The following TCOF1 variants were observed in gnomAD, a reference collection of about 807,000 sequenced individuals.
TCOF1 encodes treacle ribosome biogenesis factor 1.
In TCOF1, 33 loss-of-function variants were observed where a neutral mutation model predicts 149.0. The observed-to-expected ratio is 0.22, with a 90% CI of 0.17 to 0.30. The LOEUF (loss-of-function observed/expected upper bound fraction) is 0.30. Among genes scored for constraint, TCOF1 ranks in the 10% least tolerant of loss-of-function variants. The probability of loss-of-function intolerance (pLI) is 1.00; values close to 1 mark genes in which losing one functional copy is unlikely to be tolerated. For synonymous variants in TCOF1, 789 were observed against 738.8 expected (o/e 1.07, Z -1.10); for missense variants, 1,728 against 1,840.7 (o/e 0.94, Z 1.12).
chr5:150,374,803 C>T lies in TCOF1; in HGVS notation c.1270C>T (p.Pro424Ser), dbSNP rs1299708358. 2.5e-6 allele frequency: 4 copies of T among 1,609,142 alleles called. No homozygotes were observed. The highest frequency in any genetic ancestry group is 3.4e-6 in the Non-Finnish European group (4 of 1,177,872). ...SEESDSEEEA[P>S]AQAKPSGKAP... is the part of the protein sequence containing the mutation. ...GGAATCGGACAGTGAGGAGGAGGCG[C>T]CTGCTCAGGTGAGGCAGAGGGGAGG... The change falls in exon 9 of 27, where the codon CCT becomes TCT. Residue 424 changes from proline (P) to serine (S), a missense_variant. Physicochemically the swap from Pro to Ser is moderately conservative, Grantham distance 74. Coordinates refer to ENST00000643257, the MANE Select transcript of TCOF1 (RefSeq NM_001371623.1).
rs911680574 is a variant in TCOF1, at chr5:150,375,430, G to A, written c.1580G>A (p.Gly527Glu). The stretch of plus-strand genomic sequence containing the variant: ...AAAGGCGCCGGCCCAGTGCCACCCG[G>A]GAAGGTGGGGCCTGCAACCCCCTCA... Reference protein sequence around the residue: ...LGKGAGPVPPGKVGPATPSAQ... With the variant: ...LGKGAGPVPPEKVGPATPSAQ... The change falls in exon 11 of 27, where the codon GGG becomes GAG. Residue 527 changes from glycine (G) to glutamate (E), a missense_variant. By Grantham distance (98) the Gly-to-Glu change is moderately conservative. Coordinates refer to ENST00000643257, the MANE Select transcript of TCOF1 (RefSeq NM_001371623.1). 3.1e-6 allele frequency: 5 copies of A among 1,613,638 alleles called. No homozygotes were observed. Among genetic ancestry groups the A allele is most frequent in the Non-Finnish European group, 8.5e-7 (1 of 1,179,812 alleles).
In TCOF1 at chr5:150,372,166, A is replaced by G. The variant is rs754679760; in HGVS notation, c.800A>G (p.Glu267Gly). 2 of 1,614,206 alleles carry G rather than the reference A, an allele frequency of 1.2e-6. No individual in the cohort carries two copies. The highest frequency in any genetic ancestry group is 3.3e-5 in the Admixed American group (2 of 60,030). The change falls in exon 7 of 27, where the codon GAA becomes GGA. Residue 267 changes from glutamate to glycine, a missense_variant. Transcript: ENST00000643257. ...CCAGCCAAGAGGGCCAAGAAGCCAGAAGAGGAGTCAGAGAGTAGTGAGGAG... is the reference window on the plus strand; with the variant it reads ...CCAGCCAAGAGGGCCAAGAAGCCAGGAGAGGAGTCAGAGAGTAGTGAGGAG... The part of the protein sequence containing the change: ...LPPAKRAKKP[E>G]EESESSEEGS...
intron 23 of TCOF1, 146 bp from the exon 24 acceptor site, chr5:150,396,136 C>A: frequency 2.3e-6 from 2 of 882,924 alleles, no homozygotes; most frequent in Non-Finnish European, 1.9e-6. Flanking sequence ...CCAGCTGGGG[C>A]AGAGTGACCG....
At chr5:150,365,222 T>C (rs114225817) in intron 3 of TCOF1, among the ~76,000 whole-genome samples, 2,971 of 150,890 alleles carry the variant, frequency 0.02, 103 homozygotes, top group African/African-American at 0.069. Context: ...ACCACTACTG[T>C]CAGCTAATTT....
chr5:150,378,770 A>G, intron 14 of TCOF1, 135 bp from the exon 15 acceptor site: 1 of 1,242,846 alleles, frequency 8.0e-7, no homozygotes, highest in Non-Finnish European at 1.2e-6. Flanking sequence ...TCAAGTGATG[A>G]GCTCAGGTTC....
At chr5:150,374,567 T>TC (rs777465512) in intron 8 of TCOF1, 50 bp from the exon 9 acceptor site, 1 of 1,611,204 alleles carries the variant, frequency 6.2e-7, no homozygotes, top group Admixed American at 1.7e-5. Context: ...GTCCTGTGTC[T>TC]CCTCACACGT....
chr5:150,371,639 T>C (rs975412656), intron 6 of TCOF1, among the ~76,000 whole-genome samples: 2 of 152,150 alleles, frequency 1.3e-5, no homozygotes, highest in Non-Finnish European at 2.9e-5. Flanking sequence ...TGTGATCAGA[T>C]ACTTGAGTTT....
chr5:150,363,455 A>G (rs1019836165), intron 2 of TCOF1, among the ~76,000 whole-genome samples: 1 of 152,076 alleles, frequency 6.6e-6, no homozygotes, highest in African/African-American at 2.4e-5. Flanking sequence ...TGCTTATCCT[A>G]CCCATGCCCT....
At chr5:150,366,014 A>G (rs1581052092) in intron 3 of TCOF1, among the ~76,000 whole-genome samples, 1 of 151,154 alleles carries the variant, frequency 6.6e-6, no homozygotes, top group Admixed American at 6.6e-5. Context: ...TCAGCTGCCT[A>G]GGAGGCCTGA....
At chr5:150,390,145 G>A in intron 19 of TCOF1, 122 bp downstream of exon 19, 1 of 1,473,792 alleles carries the variant, frequency 6.8e-7, no homozygotes. Context: ...CAGAGGTCGT[G>A]GCCTCACAGC....
chr5:150,368,608 C>G (rs1398771510), intron 4 of TCOF1, 108 bp from the exon 5 acceptor site: 1 of 1,360,838 alleles, frequency 7.3e-7, no homozygotes, highest in Non-Finnish European at 1.0e-6. Flanking sequence ...GTAGTTTACC[C>G]AAACTCACAC....
chr5:150,378,299 C>A (rs1332293396), intron 14 of TCOF1, among the ~76,000 whole-genome samples: 2 of 152,192 alleles, frequency 1.3e-5, no homozygotes, highest in Admixed American at 1.3e-4. Context: ...CTGGGAATTT[C>A]CCTTTTTTTT....
Position 150,357,740 on chromosome 5 carries a change from C to A in TCOF1, c.-7C>A, listed in dbSNP as rs1365541651. On this transcript the variant is annotated 5_prime_UTR_variant, in exon 1 of 27. Transcript: ENST00000643257. ...TGCAGGTAGCCGGCCGGCCGGGGGT[C>A]GCGGGTATGGCCGAGGCCAGGAAGC... 24 of 1,547,828 alleles carry A rather than the reference C, an allele frequency of 1.6e-5. No individual in the cohort carries two copies. The highest frequency in any genetic ancestry group is 5.9e-5 in the Admixed American group (3 of 50,952).
chr5:150,372,196 C>T lies in TCOF1; in HGVS notation c.830C>T (p.Ser277Phe), dbSNP rs1414378995. The change falls in exon 7 of 27, where the codon TCT (serine) becomes TTT (phenylalanine). Residue 277 changes from serine (S) to phenylalanine (F), a missense_variant. By Grantham distance (155) the Ser-to-Phe change is radical. This residue lies in a region of TCOF1 where 1,696 missense variants were observed against 1,765.4 expected (regional missense o/e 0.96). Coordinates refer to ENST00000643257, the MANE Select transcript of TCOF1 (RefSeq NM_001371623.1). ...GAGTCAGAGAGTAGTGAGGAGGGAT[C>T]TGAAAGTGAGGAGGAGGCCCCTGCA... The part of the protein sequence containing the change: ...EEESESSEEG[S>F]ESEEEAPAGT... 2 of 1,602,028 alleles carry T rather than the reference C, an allele frequency of 1.2e-6. No individual in the cohort carries two copies. Among genetic ancestry groups the T allele is most frequent in the South Asian group, 1.1e-5 (1 of 90,758 alleles).
rs568098028 is a variant in TCOF1, at chr5:150,366,740, C to T, written c.305-1104C>T. Among the ~76,000 whole-genome samples the T allele has an allele frequency of 5.4e-3, 150 of 27,594 alleles. 47 individuals carry two copies. Among genetic ancestry groups the T allele is most frequent in the Non-Finnish European group, 9.2e-3 (127 of 13,804 alleles). The allele number at this position is 27,594 out of a possible 152,430, so 18.1% of individuals were successfully genotyped here. On this transcript the variant is annotated intron_variant, in intron 3 of 26. Transcript: ENST00000643257. ...CGCAATCTCGGCTCACTGCAAGCTC[C>T]GCTTCCCGGGTTCACGCCATTCTCC...
At chr5:150,357,967 C>T in intron 1 of TCOF1, 113 bp downstream of exon 1, 2 of 1,062,412 alleles carry the variant, frequency 1.9e-6, no homozygotes, top group East Asian at 2.8e-5. Context: ...CCGGGTCCCG[C>T]AGTGCTCGAC....
chr5:150,364,252 A>G lies in TCOF1; in HGVS notation c.304A>G (p.Thr102Ala). The G allele has an allele frequency of 1.2e-6, 2 of 1,614,172 alleles. No homozygotes were observed. Among genetic ancestry groups the G allele is most frequent in the South Asian group, 1.1e-5 (1 of 91,084 alleles). ...EEAEAETAKA[T>A]PRLASTNSSV... is the part of the protein sequence containing the mutation. Reference sequence around the variant, plus strand: ...AGCAGAAGCCGAAACCGCCAAAGCCAGTAAGAGCCTTGCAGCTTTGGGAAC... The same window carrying G: ...AGCAGAAGCCGAAACCGCCAAAGCCGGTAAGAGCCTTGCAGCTTTGGGAAC... The change falls in exon 3 of 27, where the codon ACC becomes GCC. Residue 102 changes from threonine to alanine, a missense_variant and splice_region_variant. Physicochemically the swap from Thr to Ala is moderately conservative, Grantham distance 58 (BLOSUM62 0). Transcript: ENST00000643257.
In TCOF1 at chr5:150,374,827, G is replaced by T; in HGVS notation, c.1278+16G>T. On this transcript the variant is annotated intron_variant, in intron 9 of 26. Transcript: ENST00000643257. ...GCCTGCTCAGGTGAGGCAGAGGGGA[G>T]GGGTGGAGAGTAGCCCCATGCCTAA... The T allele has an allele frequency of 6.2e-7, 1 of 1,605,722 alleles. No individual in the cohort carries two copies. Among genetic ancestry groups the T allele is most frequent in the Non-Finnish European group, 8.5e-7 (1 of 1,176,000 alleles).
chr5:150,362,904 G>A (rs997830909), intron 2 of TCOF1, among the ~76,000 whole-genome samples: 3 of 152,146 alleles, frequency 2.0e-5, no homozygotes, highest in Non-Finnish European at 2.9e-5. Flanking sequence ...TCAAACCCAC[G>A]AAAGGCAGCC....
Sources: allele counts gnomAD v4.1 joint callset (sites outside exome capture counted in the v4.1 genomes callset), GRCh38; gene constraint gnomAD v4.1.1; regional missense constraint gnomAD v4.1.1; transcripts MANE v1.5; gene names NCBI Gene and HGNC (gene_info 2026-07-23, HGNC 2026-07-21).